PACRGL: variants seen among roughly 807,000 people sequenced by gnomAD.
PACRGL encodes PACRG-like protein.
PACRGL carries 38 observed loss-of-function variants against 34.5 expected under a neutral mutation model. The observed-to-expected ratio is 1.10, with a 90% CI of 0.85 to 1.44. PACRGL has a LOEUF of 1.44. Among genes scored for constraint, PACRGL ranks in the 40% most tolerant of loss-of-function variants. The pLI is 0.00. For synonymous variants in PACRGL, 128 were observed against 100.1 expected (o/e 1.28, Z -1.66); for missense variants, 305 against 281.4 (o/e 1.08, Z -0.60).
the PACRGL span, among the ~76,000 whole-genome samples, chr4:20,763,278 G>A: frequency 1.3e-5 from 2 of 152,118 alleles, no homozygotes; most frequent in Non-Finnish European, 2.9e-5. Context: ...TTTTGGATGA[G>A]GGATAGTCAA....
At position 20,712,871 on chromosome 4, in the gene PACRGL, A is replaced by C; in HGVS notation, c.450A>C (p.Glu150Asp). 3.7e-6 allele frequency: 6 copies of C among 1,606,058 alleles called. No homozygotes were observed. Among genetic ancestry groups the C allele is most frequent in the Non-Finnish European group, 5.1e-6 (6 of 1,175,188 alleles). Reference sequence around the variant, plus strand: ...TACTTTTGGTCAAAGGTGCTCCTGAAAAAGCTATTCCTTTGCTACCTAGAC... The same window carrying C: ...TACTTTTGGTCAAAGGTGCTCCTGACAAAGCTATTCCTTTGCTACCTAGAC... ...RELLLVKGAPEKAIPLLPRLI... is the reference protein window; with the variant it reads ...RELLLVKGAPDKAIPLLPRLI... The change falls in exon 6 of 9, where the codon GAA (glutamate) becomes GAC (aspartate). Residue 150 changes from glutamate (E) to aspartate (D), a missense_variant. Coordinates refer to ENST00000503585, the MANE Select transcript of PACRGL (RefSeq NM_001258345.3).
Position 20,729,486 on chromosome 4 carries a change from T to G in PACRGL, c.*2145T>G, listed in dbSNP as rs1025104975. 8.4e-6 allele frequency: 1 copy of G among 118,550 alleles called. No individual in the cohort carries two copies. The highest frequency in any genetic ancestry group is 1.8e-5 in the Non-Finnish European group (1 of 56,824). The allele number at this position is 118,550 out of a possible 1,614,324, so 7.3% of individuals were successfully genotyped here. On this transcript the variant is annotated 3_prime_UTR_variant, in exon 9 of 9. Transcript: ENST00000503585. ...TGATAATAAACTAATTTTTAAATGT[T>G]TAATAATTTTTAAATGTTTAAAAAT...
chr4:20,727,213 T>A (rs965413878), intron 8 of PACRGL, 72 bp from the exon 9 acceptor site: 1 of 1,327,276 alleles, frequency 7.5e-7, no homozygotes, highest in African/African-American at 1.5e-5. Flanking sequence ...CTAGGCATAT[T>A]CCTGCAAATA....
intron 1 of PACRGL, among the ~76,000 whole-genome samples, chr4:20,703,933 T>A (rs1179143521): frequency 1.3e-5 from 2 of 152,196 alleles, no homozygotes; most frequent in Non-Finnish European, 1.5e-5. Context: ...GGTGGTACCC[T>A]GGGTTAACAA....
the PACRGL span, among the ~76,000 whole-genome samples, chr4:20,765,735 T>C: frequency 1.3e-4 from 20 of 152,312 alleles, no homozygotes; most frequent in Non-Finnish European, 2.5e-4. Flanking sequence ...TGTGAAACCC[T>C]TCACTGTGAT....
chr4:20,698,530 A>C (rs1239776640), upstream of PACRGL, among the ~76,000 whole-genome samples: 1 of 152,162 alleles, frequency 6.6e-6, no homozygotes, highest in Non-Finnish European at 1.5e-5. Context: ...ACAGCATGCT[A>C]GTTAGCTCCC....
At chr4:20,721,267 C>T (rs1038587858) in intron 7 of PACRGL, among the ~76,000 whole-genome samples, 1 of 152,102 alleles carries the variant, frequency 6.6e-6, no homozygotes, top group Non-Finnish European at 1.5e-5. Flanking sequence ...GCAATGGGTT[C>T]AAACTTCCTC....
intron 8 of PACRGL, among the ~76,000 whole-genome samples, chr4:20,738,272 A>C (rs1750189636): frequency 6.6e-6 from 1 of 152,240 alleles, no homozygotes; most frequent in Non-Finnish European, 1.5e-5. Flanking sequence ...GATATTTTTA[A>C]AAATTCACAG....
rs145367392 is a variant in PACRGL, at chr4:20,711,920, C to T, written c.367-868C>T. Among the ~76,000 whole-genome samples, 636 of 152,016 alleles carry T rather than the reference C, an allele frequency of 4.2e-3. 6 individuals are homozygous for T. The highest frequency in any genetic ancestry group is 0.012 in the Admixed American group (177 of 15,260). ...TAGTATGATACTTGCTTTCTAAATA[C>T]GTTAATATAAAATACTTAAATATGA... On this transcript the variant is annotated intron_variant, in intron 5 of 8. Coordinates refer to ENST00000503585, the MANE Select transcript of PACRGL (RefSeq NM_001258345.3).
At position 20,731,602 on chromosome 4, in the gene PACRGL, G is replaced by A. The variant is rs991606545; in HGVS notation, c.*4261G>A. 4 of 985,140 alleles carry A rather than the reference G, an allele frequency of 4.1e-6. No homozygotes were observed. Among genetic ancestry groups the A allele is most frequent in the Non-Finnish European group, 4.8e-6 (4 of 829,708 alleles). 61.0% of individuals were successfully genotyped at this position (985,140 alleles called of 1,614,324 possible). A position where few individuals can be genotyped will look rare whatever the true frequency, so the allele number is the denominator to read the frequency against. On this transcript the variant is annotated 3_prime_UTR_variant, in exon 9 of 9. Coordinates refer to ENST00000503585, the MANE Select transcript of PACRGL (RefSeq NM_001258345.3). Reference sequence around the variant, plus strand: ...TCTCTTAGAAATCAGATAGAAGCTTGGCCTGTTGTGATGCCATACTTGGCT... The same window carrying A: ...TCTCTTAGAAATCAGATAGAAGCTTAGCCTGTTGTGATGCCATACTTGGCT...
chr4:20,760,056 A>G, the PACRGL span, among the ~76,000 whole-genome samples: 9 of 152,306 alleles, frequency 5.9e-5, no homozygotes, highest in East Asian at 1.2e-3. Context: ...AGGGGCGACT[A>G]TATTTATTGA....
At chr4:20,704,601 A>G (rs1322238991) in intron 2 of PACRGL, 59 bp from the exon 3 acceptor site, 2 of 1,613,172 alleles carry the variant, frequency 1.2e-6, no homozygotes, top group Non-Finnish European at 1.7e-6. Context: ...CTACAGATGG[A>G]TGCAGGGTGA....
At chr4:20,722,678 A>C (rs906077317) in intron 7 of PACRGL, among the ~76,000 whole-genome samples, 5 of 152,182 alleles carry the variant, frequency 3.3e-5, no homozygotes, top group African/African-American at 1.2e-4. Flanking sequence ...CAAAGTTCCC[A>C]TCATAAATCA....
chr4:20,763,719 A>G, the PACRGL span, among the ~76,000 whole-genome samples: 25 of 152,026 alleles, frequency 1.6e-4, no homozygotes, highest in African/African-American at 6.0e-4. Flanking sequence ...TGCTTTATTT[A>G]TTGATTTTTA....
Position 20,731,583 on chromosome 4 carries a change from A to G in PACRGL, c.*4242A>G. On this transcript the variant is annotated 3_prime_UTR_variant, in exon 9 of 9. Coordinates refer to ENST00000503585, the MANE Select transcript of PACRGL (RefSeq NM_001258345.3). ...ACACTAAAACAATGACTTTTCTCTT[A>G]GAAATCAGATAGAAGCTTGGCCTGT... 1 of 985,410 alleles carries G rather than the reference A, an allele frequency of 1.0e-6. No homozygotes were observed. The highest frequency in any genetic ancestry group is 1.2e-6 in the Non-Finnish European group (1 of 829,898). The allele number at this position is 985,410 out of a possible 1,614,324, so 61.0% of individuals were successfully genotyped here.
chr4:20,744,510 C>T (rs952767274), intron 8 of PACRGL, among the ~76,000 whole-genome samples: 7 of 151,908 alleles, frequency 4.6e-5, no homozygotes, highest in Admixed American at 6.6e-5. Context: ...AGCAAACTAT[C>T]GCAAGGACAG....
chr4:20,699,703 G>A (rs921014695), upstream of PACRGL, among the ~76,000 whole-genome samples: 4 of 152,146 alleles, frequency 2.6e-5, no homozygotes, highest in Non-Finnish European at 5.9e-5. Context: ...AAAGAGGAGT[G>A]CAGTGGACAG....
upstream of PACRGL, among the ~76,000 whole-genome samples, chr4:20,699,787 T>C (rs186191584): frequency 2.6e-5 from 4 of 152,310 alleles, no homozygotes; most frequent in Admixed American, 2.6e-4. Context: ...GAATATGCAT[T>C]TTCCTGCAGC....
chr4:20,738,245 T>C (rs978449360), intron 8 of PACRGL, among the ~76,000 whole-genome samples: 3 of 152,318 alleles, frequency 2.0e-5, no homozygotes, highest in Non-Finnish European at 4.4e-5. Context: ...ATGAGATTGA[T>C]TGTTATCAAT....
Sources: allele counts gnomAD v4.1 joint callset (sites outside exome capture counted in the v4.1 genomes callset), GRCh38; gene constraint gnomAD v4.1.1; transcripts MANE v1.5; gene names NCBI Gene and HGNC (gene_info 2026-07-23, HGNC 2026-07-21).